PPP1R21: variants seen among roughly 807,000 people sequenced by gnomAD.
PPP1R21 encodes the protein KLRAQ motif containing 1.
Under a neutral mutation model 112.8 loss-of-function variants are expected in PPP1R21, and 85 were observed. The ratio of observed to expected loss-of-function variants is 0.75; its 90% confidence interval spans 0.63 to 0.90. The LOEUF is 0.90. Ranked by LOEUF, PPP1R21 falls within the 40% of genes least tolerant of loss-of-function variation. The probability of loss-of-function intolerance (pLI) is 0.00; values close to 1 mark genes in which losing one functional copy is unlikely to be tolerated. For missense variants in PPP1R21, 1,199 were observed against 901.5 expected (o/e 1.33, Z -4.23); for synonymous variants, 381 against 322.3 (o/e 1.18, Z -1.95).
At chr2:48,479,615 A>T in intron 12 of PPP1R21, 1 of 554,864 alleles carries the variant, frequency 1.8e-6, no homozygotes, top group Non-Finnish European at 3.5e-6. Context: ...AATGCATTAT[A>T]TAATAACAAG....
At chr2:48,501,549 C>T (rs1670113776) in intron 17 of PPP1R21, among the ~76,000 whole-genome samples, 1 of 152,226 alleles carries the variant, frequency 6.6e-6, no homozygotes, top group Admixed American at 6.5e-5. Context: ...CACATGAAGT[C>T]ACACACTTGA....
chr2:48,502,198 A>G (rs1340906580), intron 17 of PPP1R21, among the ~76,000 whole-genome samples: 1 of 152,150 alleles, frequency 6.6e-6, no homozygotes, highest in African/African-American at 2.4e-5. Context: ...AGTGATAATG[A>G]CCTTAGTTGG....
chr2:48,454,167 A>G, intron 2 of PPP1R21, among the ~76,000 whole-genome samples: 1 of 152,190 alleles, frequency 6.6e-6, no homozygotes, highest in Non-Finnish European at 1.5e-5. Context: ...AGGCTGAGGC[A>G]TGAGACATGC....
chr2:48,486,117 C>T (rs1430169398), intron 13 of PPP1R21, among the ~76,000 whole-genome samples: 4 of 151,836 alleles, frequency 2.6e-5, no homozygotes, highest in South Asian at 2.1e-4. Flanking sequence ...GGCACTGGGG[C>T]GTCCAATCCG....
intron 1 of PPP1R21, among the ~76,000 whole-genome samples, chr2:48,445,485 T>C (rs1667207046): frequency 6.6e-6 from 1 of 152,354 alleles, no homozygotes; most frequent in East Asian, 1.9e-4. Flanking sequence ...CTTGAAGACC[T>C]TGTTAAACTG....
chr2:48,442,291 GAA>G (rs1667063966), intron 1 of PPP1R21, among the ~76,000 whole-genome samples: 1 of 152,078 alleles, frequency 6.6e-6, no homozygotes, highest in African/African-American at 2.4e-5. Flanking sequence ...CAACACCTGT[GAA>G]AAGAAGAAAA....
intron 16 of PPP1R21, among the ~76,000 whole-genome samples, chr2:48,497,633 G>C (rs1669904255): frequency 6.6e-6 from 1 of 151,478 alleles, no homozygotes; most frequent in South Asian, 2.1e-4. Flanking sequence ...AATTACTTTT[G>C]CACCAACCTA....
chr2:48,492,982 T>C (rs916178970), intron 15 of PPP1R21, among the ~76,000 whole-genome samples: 8 of 152,046 alleles, frequency 5.3e-5, no homozygotes, highest in African/African-American at 1.9e-4. Context: ...TTGTGTTTAT[T>C]GTATAAATTC....
chr2:48,470,635 T>A (rs1047222792), intron 9 of PPP1R21, among the ~76,000 whole-genome samples: 1 of 152,236 alleles, frequency 6.6e-6, no homozygotes, highest in Non-Finnish European at 1.5e-5. Flanking sequence ...GCTTGTTTTT[T>A]AAAAATTGGG....
intron 17 of PPP1R21, among the ~76,000 whole-genome samples, chr2:48,503,817 G>A (rs1316824555): frequency 6.6e-6 from 1 of 151,934 alleles, no homozygotes; most frequent in Non-Finnish European, 1.5e-5. Flanking sequence ...GCTGGGCGTG[G>A]TGGTGGGCAC....
At chr2:48,446,443 T>A (rs1223443086) in intron 1 of PPP1R21, among the ~76,000 whole-genome samples, 1 of 152,154 alleles carries the variant, frequency 6.6e-6, no homozygotes, top group Non-Finnish European at 1.5e-5. Flanking sequence ...CTCAAGGCTT[T>A]TGAGGATTCT....
rs1669310312 is a variant in PPP1R21, at chr2:48,486,622, C to T, written c.1319-9C>T. The T allele has an allele frequency of 1.2e-6, 2 of 1,600,714 alleles. No homozygotes were observed. Among genetic ancestry groups the T allele is most frequent in the East Asian group, 4.5e-5 (2 of 44,732 alleles). On this transcript the variant is annotated splice_polypyrimidine_tract_variant and intron_variant, in intron 13 of 21. Transcript: ENST00000294952. ...ATAATAATGAATTTTCATGTAATTGCTTTTATAGATATTTCCAAACATTAT... is the reference window on the plus strand; with the variant it reads ...ATAATAATGAATTTTCATGTAATTGTTTTTATAGATATTTCCAAACATTAT...
chr2:48,514,981 A>G lies in PPP1R21; in HGVS notation c.*237A>G. 3.9e-6 allele frequency: 2 copies of G among 506,514 alleles called. No individual in the cohort carries two copies. The highest frequency in any genetic ancestry group is 6.9e-6 in the Non-Finnish European group (2 of 288,634). The allele number at this position is 506,514 out of a possible 1,614,324, so 31.4% of individuals were successfully genotyped here. ...GGAAAACAATACGTATGTCATGGATATTGTAGGTTTCCTTATGCTGTTTTT... is the reference window on the plus strand; with the variant it reads ...GGAAAACAATACGTATGTCATGGATGTTGTAGGTTTCCTTATGCTGTTTTT... On this transcript the variant is annotated 3_prime_UTR_variant, in exon 22 of 22. Transcript: ENST00000294952.
rs554480992 is a variant in PPP1R21, at chr2:48,466,472, C to T, written c.897+830C>T. On this transcript the variant is annotated intron_variant, in intron 9 of 21. Transcript: ENST00000294952. ...GAACTCCTGACCTCAGGTGATCTGC[C>T]TGCCTCAGCCTCCCAAAGTGCTGGG... Among the ~76,000 whole-genome samples the T allele has an allele frequency of 4.5e-4, 69 of 152,100 alleles. 1 individual carries two copies. Among genetic ancestry groups the T allele is most frequent in the South Asian group, 3.7e-3 (18 of 4,818 alleles).
chr2:48,495,622 G>T (rs1669800791), intron 15 of PPP1R21, 57 bp from the exon 16 acceptor site: 3 of 899,202 alleles, frequency 3.3e-6, no homozygotes, highest in South Asian at 1.3e-5. Flanking sequence ...TATGTTGGAT[G>T]CAGGGGAGGG....
intron 8 of PPP1R21, 73 bp downstream of exon 8, chr2:48,465,062 T>A: frequency 1.7e-6 from 2 of 1,197,554 alleles, no homozygotes; most frequent in Non-Finnish European, 2.4e-6. Context: ...GAATTAGTTG[T>A]GTTTGGACCT....
chr2:48,465,434 A>G, intron 8 of PPP1R21, 59 bp from the exon 9 acceptor site: 2 of 1,478,572 alleles, frequency 1.4e-6, no homozygotes, highest in Non-Finnish European at 1.8e-6. Flanking sequence ...GACTCAATAA[A>G]GTTCTTTTAG....
intron 1 of PPP1R21, among the ~76,000 whole-genome samples, chr2:48,442,463 A>G (rs1667073632): frequency 6.6e-6 from 1 of 152,206 alleles, no homozygotes; most frequent in Admixed American, 6.5e-5. Flanking sequence ...TCCCAAAGTA[A>G]TAAAAACTGA....
At chr2:48,470,361 T>TA (rs1668444157) in intron 9 of PPP1R21, among the ~76,000 whole-genome samples, 1 of 151,834 alleles carries the variant, frequency 6.6e-6, no homozygotes, top group African/African-American at 2.4e-5. Flanking sequence ...CTACTAAAAA[T>TA]ACAAAAATTA....
Sources: gnomAD v4.1 joint callset for allele counts (sites outside exome capture counted in the v4.1 genomes callset) on GRCh38, gnomAD v4.1.1 for gene constraint, MANE v1.5 for transcripts, NCBI Gene and HGNC (gene_info 2026-07-23, HGNC 2026-07-21) for gene names.